HKDC1: variants seen among roughly 807,000 people sequenced by gnomAD.
HKDC1 encodes hexokinase HKDC1.
A neutral mutation model predicts 96.6 loss-of-function variants in HKDC1; 66 were observed. The ratio of observed to expected loss-of-function variants is 0.68; its 90% CI spans 0.56 to 0.84. HKDC1 has a LOEUF of 0.84. Ranked by LOEUF, HKDC1 falls within the 40% of genes least tolerant of loss-of-function variation. HKDC1 has a pLI of 0.00. For missense variants in HKDC1, 1,211 were observed against 1,208.1 expected (o/e 1.00, Z -0.04); for synonymous variants, 466 against 473.1 (o/e 0.98, Z 0.20).
At chr10:69,253,613 C>T (rs1372866597) in intron 12 of HKDC1, among the ~76,000 whole-genome samples, 1 of 152,142 alleles carries the variant, frequency 6.6e-6, no homozygotes, top group East Asian at 1.9e-4. Context: ...TAAATGAGCT[C>T]GTGTGTGTAA....
intron 7 of HKDC1, 54 bp from the exon 8 acceptor site, chr10:69,246,025 T>C: frequency 6.3e-7 from 1 of 1,595,762 alleles, no homozygotes. Flanking sequence ...CTTCGGGAAA[T>C]GATGCAGCTT....
intron 1 of HKDC1, 102 bp from the exon 2 acceptor site, chr10:69,227,105 A>G: frequency 1.5e-6 from 2 of 1,306,606 alleles, no homozygotes; most frequent in South Asian, 1.3e-5. Context: ...TGCTGTCCCC[A>G]GAGTCAGGAA....
chr10:69,220,902 C>T (rs1240713858), intron 1 of HKDC1, among the ~76,000 whole-genome samples: 1 of 152,190 alleles, frequency 6.6e-6, no homozygotes, highest in Non-Finnish European at 1.5e-5. Flanking sequence ...GTAATCCTAG[C>T]ACTTTAGGAG....
At chr10:69,229,223 G>A (rs1415088238) in intron 2 of HKDC1, among the ~76,000 whole-genome samples, 2 of 152,206 alleles carry the variant, frequency 1.3e-5, no homozygotes, top group Non-Finnish European at 2.9e-5. Context: ...AGCTCTCAGG[G>A]GGCTTTGATG....
Position 69,246,164 on chromosome 10 carries a change from G to C in HKDC1, c.961G>C (p.Gly321Arg), listed in dbSNP as rs368695945. 2.5e-6 allele frequency: 4 copies of C among 1,614,236 alleles called. No homozygotes were observed. The Middle Eastern group carries it at 5.0e-4, about 200-fold the overall frequency. ...LKMAKAGLLF[G>R]GEKSSALHTK... is the part of the protein sequence containing the mutation. ...GATGGCCAAGGCTGGCCTCCTGTTTGGTGGTGAGAAATCTTCTGCTCTCCA... is the reference window on the plus strand; with the variant it reads ...GATGGCCAAGGCTGGCCTCCTGTTTCGTGGTGAGAAATCTTCTGCTCTCCA... Residue 321 changes from glycine to arginine, a missense_variant, in exon 8 of 18, where the codon GGT (glycine) becomes CGT (arginine). Transcript: ENST00000354624.
intron 7 of HKDC1, among the ~76,000 whole-genome samples, chr10:69,245,643 T>C (rs1843529126): frequency 6.6e-6 from 1 of 151,652 alleles, no homozygotes; most frequent in African/African-American, 2.4e-5. Flanking sequence ...AATTAGGAAT[T>C]GTTGGTGTGC....
At chr10:69,228,401 GC>G (rs2132333911) in intron 2 of HKDC1, among the ~76,000 whole-genome samples, 1 of 152,242 alleles carries the variant, frequency 6.6e-6, no homozygotes, top group African/African-American at 2.4e-5. Context: ...ATTCCCCTTT[GC>G]CTTGCACCCT....
intron 1 of HKDC1, among the ~76,000 whole-genome samples, chr10:69,223,726 C>G (rs1407655069): frequency 6.6e-6 from 1 of 150,510 alleles, no homozygotes; most frequent in South Asian, 2.1e-4. Flanking sequence ...GCTGGGATCA[C>G]AGGCCGCACC....
Position 69,232,950 on chromosome 10 carries a change from G to A in HKDC1, c.375+38G>A, listed in dbSNP as rs201827388. ...TGGCTCCTGTGACCGCAGGGAAGGC[G>A]GTGGCATCCGTGTGTGGGGAAACCA... On this transcript the variant is annotated intron_variant, in intron 3 of 17. Transcript: ENST00000354624. 102 of 1,612,088 alleles carry A rather than the reference G, an allele frequency of 6.3e-5. 2 individuals are homozygous for A. Among genetic ancestry groups the A allele is most frequent in the Admixed American group, 6.2e-4 (37 of 60,022 alleles).
intron 16 of HKDC1, among the ~76,000 whole-genome samples, chr10:69,262,597 C>A (rs2132380190): frequency 6.6e-6 from 1 of 152,252 alleles, no homozygotes; most frequent in South Asian, 2.1e-4. Flanking sequence ...AGTGAAAAAT[C>A]ACTTTTCAGC....
intron 16 of HKDC1, among the ~76,000 whole-genome samples, chr10:69,262,398 C>T (rs1251876036): frequency 2.0e-5 from 3 of 152,012 alleles, no homozygotes; most frequent in Non-Finnish European, 4.4e-5. Flanking sequence ...AAGAGTATTT[C>T]ACCATGGGCG....
chr10:69,266,772 G>A lies in HKDC1; in HGVS notation c.*15G>A. The A allele has an allele frequency of 6.2e-7, 1 of 1,609,054 alleles. No homozygotes were observed. The highest frequency in any genetic ancestry group is 8.5e-7 in the Non-Finnish European group (1 of 1,178,188). On this transcript the variant is annotated 3_prime_UTR_variant, in exon 18 of 18. Coordinates refer to ENST00000354624, the MANE Select transcript of HKDC1 (RefSeq NM_025130.4). ...AGGAGAACTAGGAACCCCTGGGATT[G>A]GACCTGATGCATCTTGGATACTGAA...
chr10:69,241,960 C>T (rs528104264), intron 6 of HKDC1, among the ~76,000 whole-genome samples: 2 of 152,230 alleles, frequency 1.3e-5, no homozygotes, highest in Non-Finnish European at 2.9e-5. Flanking sequence ...GTGGTCTCCA[C>T]ACCAGAGCGA....
intron 1 of HKDC1, among the ~76,000 whole-genome samples, chr10:69,222,449 T>C (rs1213212355): frequency 1.3e-5 from 2 of 152,232 alleles, no homozygotes; most frequent in Non-Finnish European, 2.9e-5. Flanking sequence ...ATCTGCTTAG[T>C]AAAGGCACAA....
At chr10:69,261,449 C>A in intron 16 of HKDC1, 155 bp downstream of exon 16, 1 of 652,688 alleles carries the variant, frequency 1.5e-6, no homozygotes, top group Non-Finnish European at 2.6e-6. Context: ...CCAACTGATT[C>A]AGGATCGCTT....
chr10:69,245,824 A>G (rs12359891), intron 7 of HKDC1, among the ~76,000 whole-genome samples: 27,251 of 152,120 alleles, frequency 0.18, 3,270 homozygotes, highest in Non-Finnish European at 0.26. Flanking sequence ...TTGTCGCATC[A>G]TGTTTGAGTG....
chr10:69,248,870 T>C, intron 10 of HKDC1, 142 bp downstream of exon 10: 1 of 765,616 alleles, frequency 1.3e-6, no homozygotes, highest in South Asian at 2.0e-5. Context: ...GCTAGTATTC[T>C]TTCTAAATCT....
intron 10 of HKDC1, 136 bp downstream of exon 10, chr10:69,248,864 G>C: frequency 3.8e-6 from 3 of 787,002 alleles, no homozygotes; most frequent in Non-Finnish European, 3.9e-6. Context: ...AAGAAGGCTA[G>C]TATTCTTTCT....
At chr10:69,265,561 G>C (rs1843882073) in intron 16 of HKDC1, 24 bp from the exon 17 acceptor site, 1 of 1,601,422 alleles carries the variant, frequency 6.2e-7, no homozygotes, top group Non-Finnish European at 8.6e-7. Flanking sequence ...AGCAGGTCCT[G>C]ACTCCCTGCT....
Sources: gnomAD v4.1 joint callset for allele counts (sites outside exome capture counted in the v4.1 genomes callset) on GRCh38, gnomAD v4.1.1 for gene constraint, MANE v1.5 for transcripts, NCBI Gene and HGNC (gene_info 2026-07-23, HGNC 2026-07-21) for gene names.